Variants in KIF6 observed in about 807,000 individuals in gnomAD.
KIF6 encodes kinesin-like protein KIF6.
KIF6 carries 106 observed loss-of-function variants against 112.7 expected under a neutral mutation model. The observed-to-expected ratio is 0.94, with a 90% CI of 0.80 to 1.11. KIF6 has a LOEUF of 1.11. KIF6 is among the 50% of genes least tolerant of loss of function. KIF6 has a pLI of 0.00. For missense variants in KIF6, 929 were observed against 964.0 expected, an observed-to-expected ratio of 0.96 and a Z score of 0.48; for synonymous variants, 339 against 339.9, an observed-to-expected ratio of 1.00 and a Z score of 0.03.
intron 15 of KIF6, among the ~76,000 whole-genome samples, chr6:39,389,903 C>A (rs1178718319): frequency 1.3e-5 from 2 of 151,804 alleles, no homozygotes; most frequent in African/African-American, 4.8e-5. Flanking sequence ...TGGTGACGGG[C>A]ACCTGTAATC....
intron 13 of KIF6, among the ~76,000 whole-genome samples, chr6:39,437,767 C>T (rs74376680): frequency 0.018 from 2,751 of 152,228 alleles, 66 homozygotes; most frequent in African/African-American, 0.047. Context: ...ACTGCATGTA[C>T]GACGGTGGTC....
intron 13 of KIF6, among the ~76,000 whole-genome samples, chr6:39,498,355 G>T (rs1264435410): frequency 6.6e-6 from 1 of 152,188 alleles, no homozygotes; most frequent in Admixed American, 6.5e-5. Flanking sequence ...TCCCCTAGGT[G>T]ACAGAGAGTT....
intron 13 of KIF6, among the ~76,000 whole-genome samples, chr6:39,531,056 C>T (rs898486092): frequency 4.6e-5 from 7 of 152,092 alleles, no homozygotes; most frequent in South Asian, 2.1e-4. Context: ...ATCAATCCCT[C>T]CCCCAAATGG....
At chr6:39,435,787 G>A (rs1771482258) in intron 13 of KIF6, among the ~76,000 whole-genome samples, 1 of 151,990 alleles carries the variant, frequency 6.6e-6, no homozygotes, top group African/African-American at 2.4e-5. Flanking sequence ...TGTTGATTTC[G>A]TATCTTTGCA....
chr6:39,383,339 G>A (rs909910505), intron 16 of KIF6, among the ~76,000 whole-genome samples: 1 of 152,154 alleles, frequency 6.6e-6, no homozygotes, highest in Non-Finnish European at 1.5e-5. Context: ...GTTAATTTTT[G>A]TGTATGGTTA....
chr6:39,369,682 A>G, intron 16 of KIF6, among the ~76,000 whole-genome samples: 1 of 152,168 alleles, frequency 6.6e-6, no homozygotes. Context: ...CAGACTGTAA[A>G]GTCAGAGGGT....
chr6:39,664,230 C>T (rs1786323720), intron 3 of KIF6, among the ~76,000 whole-genome samples: 1 of 152,142 alleles, frequency 6.6e-6, no homozygotes, highest in Non-Finnish European at 1.5e-5. Flanking sequence ...GGGGTAGTAG[C>T]GATCCCAAAG....
chr6:39,521,363 T>C (rs190531297), intron 13 of KIF6, among the ~76,000 whole-genome samples: 1 of 152,290 alleles, frequency 6.6e-6, no homozygotes, highest in East Asian at 1.9e-4. Flanking sequence ...CTCTGAGTAG[T>C]GAAGACATAT....
At chr6:39,443,170 A>AAAAAT (rs1772063587) in intron 13 of KIF6, among the ~76,000 whole-genome samples, 7 of 123,606 alleles carry the variant, frequency 5.7e-5, no homozygotes, top group African/African-American at 2.0e-4. Flanking sequence ...AAATAAAAAT[A>AAAAAT]AAAAAAAGAA....
At chr6:39,442,743 G>C (rs925214857) in intron 13 of KIF6, among the ~76,000 whole-genome samples, 1 of 152,266 alleles carries the variant, frequency 6.6e-6, no homozygotes, top group African/African-American at 2.4e-5. Flanking sequence ...GTGGAAGAAC[G>C]CGTGTGTCTG....
chr6:39,432,708 G>A (rs1734691230), intron 13 of KIF6, among the ~76,000 whole-genome samples: 1 of 152,166 alleles, frequency 6.6e-6, no homozygotes, highest in South Asian at 2.1e-4. Context: ...ACATTGAGGG[G>A]CACGTTTCAC....
chr6:39,516,154 C>A (rs1777073956), intron 13 of KIF6, among the ~76,000 whole-genome samples: 1 of 152,118 alleles, frequency 6.6e-6, no homozygotes, highest in African/African-American at 2.4e-5. Context: ...AAGAGATATG[C>A]AACCTGTGTC....
In KIF6 at chr6:39,419,863, C is replaced by T. The variant is rs1770223215; in HGVS notation, c.1810+85G>A. ...TCCTGAAACTGGCCATTTGGGGCTT[C>T]ATGGCCATTTGGAGGCACATCATGA... On this transcript the variant is annotated intron_variant, in intron 15 of 22. Coordinates refer to ENST00000287152, the MANE Select transcript of KIF6 (RefSeq NM_145027.6). 6 of 1,169,764 alleles carry T rather than the reference C, an allele frequency of 5.1e-6. No homozygotes were observed. In the Admixed American group the frequency reaches 8.4e-5, roughly 16 times the overall value. The allele number at this position is 1,169,764 out of a possible 1,614,324, so 72.5% of individuals were successfully genotyped here.
At chr6:39,459,528 C>A (rs1272553938) in intron 13 of KIF6, among the ~76,000 whole-genome samples, 1 of 12,274 alleles carries the variant, frequency 8.1e-5, no homozygotes, top group Non-Finnish European at 1.3e-4. Context: ...CAAATGGTAT[C>A]TAATTAAACT....
intron 13 of KIF6, among the ~76,000 whole-genome samples, chr6:39,462,621 A>G (rs1448254642): frequency 1.3e-5 from 2 of 152,152 alleles, no homozygotes; most frequent in Non-Finnish European, 2.9e-5. Context: ...ACTGAAGAAT[A>G]ATGAAAAATG....
chr6:39,521,812 C>A (rs1777417721), intron 13 of KIF6, among the ~76,000 whole-genome samples: 1 of 152,186 alleles, frequency 6.6e-6, no homozygotes. Context: ...CAATAAGAGA[C>A]TAGATCTGCT....
At chr6:39,393,545 G>C (rs1768040579) in intron 15 of KIF6, among the ~76,000 whole-genome samples, 1 of 152,068 alleles carries the variant, frequency 6.6e-6, no homozygotes, top group South Asian at 2.1e-4. Context: ...GATAAAAGAA[G>C]TAATAGCATA....
chr6:39,555,161 A>G (rs1228831556), intron 10 of KIF6, among the ~76,000 whole-genome samples: 1 of 152,026 alleles, frequency 6.6e-6, no homozygotes, highest in African/African-American at 2.4e-5. Context: ...CCCCTGCACC[A>G]TGAAGCCAAA....
chr6:39,714,990 T>A, intron 2 of KIF6: 1 of 387,982 alleles, frequency 2.6e-6, no homozygotes. Context: ...ATCTGCACAA[T>A]AAATCCCTCT....
Sources: gnomAD v4.1 joint callset for allele counts (sites outside exome capture counted in the v4.1 genomes callset) on GRCh38, gnomAD v4.1.1 for gene constraint, MANE v1.5 for transcripts, NCBI Gene and HGNC (gene_info 2026-07-23, HGNC 2026-07-21) for gene names.